The following CTNNA3 variants were observed in gnomAD, a reference collection of about 807,000 sequenced individuals.
CTNNA3 encodes catenin alpha-3.
Under a neutral mutation model 95.7 loss-of-function variants are expected in CTNNA3, and 76 were observed. The ratio of observed to expected loss-of-function variants is 0.79; its 90% CI spans 0.66 to 0.96. CTNNA3 has a LOEUF of 0.96. Among genes scored for constraint, CTNNA3 ranks in the 40% least tolerant of loss-of-function variants. The pLI, the probability that CTNNA3 is intolerant of heterozygous loss-of-function variation, is 0.00. For synonymous variants in CTNNA3, 431 were observed against 374.4 expected (o/e 1.15, Z -1.74); for missense variants, 1,191 against 1,089.8 (o/e 1.09, Z -1.31).
chr10:67,016,294 A>G (rs1852654346), intron 7 of CTNNA3, among the ~76,000 whole-genome samples: 1 of 152,216 alleles, frequency 6.6e-6, no homozygotes, highest in Non-Finnish European at 1.5e-5. Context: ...GGCAGCCACT[A>G]TTTCAGCTTA....
At chr10:67,669,522 C>T (rs762061702) in intron 1 of CTNNA3, among the ~76,000 whole-genome samples, 35 of 152,274 alleles carry the variant, frequency 2.3e-4, no homozygotes, top group Middle Eastern at 3.4e-3. Context: ...CAAATTCAAA[C>T]TCACTTTACC....
intron 17 of CTNNA3, among the ~76,000 whole-genome samples, chr10:65,941,384 C>T (rs2077427494): frequency 6.6e-6 from 1 of 152,186 alleles, no homozygotes; most frequent in South Asian, 2.1e-4. Flanking sequence ...GCTTATTTTA[C>T]TACTCACTGC....
intron 17 of CTNNA3, among the ~76,000 whole-genome samples, chr10:65,939,794 T>G (rs1320535060): frequency 6.6e-6 from 1 of 152,178 alleles, no homozygotes; most frequent in African/African-American, 2.4e-5. Context: ...TGATGAATTA[T>G]ATAATGATAG....
At chr10:66,736,118 GAAAC>G (rs1034319512) in intron 9 of CTNNA3, among the ~76,000 whole-genome samples, 11 of 152,110 alleles carry the variant, frequency 7.2e-5, no homozygotes, top group South Asian at 4.1e-4. Context: ...AACGTGCTGG[GAAAC>G]AAACATTTAT....
chr10:67,510,045 T>C (rs1383482943), intron 5 of CTNNA3, among the ~76,000 whole-genome samples: 1 of 152,242 alleles, frequency 6.6e-6, no homozygotes, highest in Non-Finnish European at 1.5e-5. Flanking sequence ...GGTTGCTTTT[T>C]CTTGTAAATT....
intron 3 of CTNNA3, among the ~76,000 whole-genome samples, chr10:67,561,794 T>A (rs1841519657): frequency 6.6e-6 from 1 of 152,064 alleles, no homozygotes; most frequent in Admixed American, 6.5e-5. Flanking sequence ...CAATAAAAAA[T>A]GATAAAGGGG....
At chr10:66,819,676 A>C (rs996828099) in intron 7 of CTNNA3, among the ~76,000 whole-genome samples, 4 of 152,212 alleles carry the variant, frequency 2.6e-5, no homozygotes, top group African/African-American at 4.8e-5. Flanking sequence ...ATTAAAATAC[A>C]GGCAAAGGAT....
intron 13 of CTNNA3, among the ~76,000 whole-genome samples, chr10:66,133,540 A>G (rs2083220173): frequency 6.6e-6 from 1 of 151,878 alleles, no homozygotes; most frequent in African/African-American, 2.4e-5. Flanking sequence ...ACAAAAAACA[A>G]AAAAAACAGA....
intron 11 of CTNNA3, among the ~76,000 whole-genome samples, chr10:66,478,474 T>A (rs1048576826): frequency 4.6e-5 from 7 of 151,972 alleles, no homozygotes; most frequent in African/African-American, 1.7e-4. Flanking sequence ...AATAAATAAT[T>A]GAAATATTTT....
intron 17 of CTNNA3, among the ~76,000 whole-genome samples, chr10:65,952,059 T>G (rs566368508): frequency 6.7e-6 from 1 of 149,718 alleles, no homozygotes; most frequent in African/African-American, 2.4e-5. Context: ...ATCCCTCACC[T>G]ATTTCATTGT....
chr10:66,727,357 C>T (rs1701162528), intron 9 of CTNNA3, among the ~76,000 whole-genome samples: 1 of 151,954 alleles, frequency 6.6e-6, no homozygotes, highest in African/African-American at 2.4e-5. Context: ...AAAAATTAGT[C>T]TAGCTCCCTA....
chr10:66,249,546 C>A (rs2090467157), intron 13 of CTNNA3, among the ~76,000 whole-genome samples: 1 of 152,082 alleles, frequency 6.6e-6, no homozygotes, highest in Admixed American at 6.6e-5. Flanking sequence ...CATCATCAAT[C>A]ATCAGAGAAC....
At position 66,741,640 on chromosome 10, in the gene CTNNA3, C is replaced by G. The variant is rs989591579; in HGVS notation, c.1281+24624G>C. Among the ~76,000 whole-genome samples the G allele has an allele frequency of 4.6e-5, 7 of 152,146 alleles. No homozygotes were observed. In the South Asian group the frequency reaches 6.2e-4, roughly 13 times the overall value. On this transcript the variant is annotated intron_variant, in intron 9 of 17. Coordinates refer to ENST00000433211, the MANE Select transcript of CTNNA3 (RefSeq NM_013266.4). ...TTTGCTGGGTTCTACTGCACATTCACTAGCATTGCGGGAAGTCAGGGACCC... is the reference window on the plus strand; with the variant it reads ...TTTGCTGGGTTCTACTGCACATTCAGTAGCATTGCGGGAAGTCAGGGACCC...
intron 9 of CTNNA3, among the ~76,000 whole-genome samples, chr10:66,654,370 C>T (rs7073335): frequency 0.66 from 100,276 of 151,864 alleles, 34,007 homozygotes; most frequent in East Asian, 0.95. Flanking sequence ...CTTCACTAAC[C>T]ATTAAGGAAA....
chr10:65,945,839 A>G (rs2077508354), intron 17 of CTNNA3, among the ~76,000 whole-genome samples: 3 of 152,198 alleles, frequency 2.0e-5, no homozygotes, highest in African/African-American at 7.2e-5. Flanking sequence ...TTAGAGCTCA[A>G]TAAATGTTAG....
At chr10:67,301,645 AT>A (rs1840276649) in intron 5 of CTNNA3, among the ~76,000 whole-genome samples, 1 of 152,172 alleles carries the variant, frequency 6.6e-6, no homozygotes, top group African/African-American at 2.4e-5. Context: ...GTATATATAT[AT>A]ATAAGGAATG....
intron 7 of CTNNA3, among the ~76,000 whole-genome samples, chr10:67,149,745 T>C (rs1589797189): frequency 6.6e-6 from 1 of 152,094 alleles, no homozygotes; most frequent in Admixed American, 6.6e-5. Context: ...TAAATAAAAG[T>C]ATATAAAATG....
chr10:66,352,523 C>A (rs545063111), intron 12 of CTNNA3, among the ~76,000 whole-genome samples: 2 of 152,046 alleles, frequency 1.3e-5, no homozygotes, highest in Admixed American at 6.6e-5. Flanking sequence ...CACTGCATTG[C>A]GATAGGGCCT....
chr10:65,935,145 T>C (rs576593536), intron 17 of CTNNA3, among the ~76,000 whole-genome samples: 24 of 152,290 alleles, frequency 1.6e-4, no homozygotes, highest in African/African-American at 5.5e-4. Context: ...CTAGAAAATT[T>C]TTGGCTACAA....
Sources: allele counts gnomAD v4.1 joint callset (sites outside exome capture counted in the v4.1 genomes callset), GRCh38; gene constraint gnomAD v4.1.1; transcripts MANE v1.5; gene names NCBI Gene and HGNC (gene_info 2026-07-23, HGNC 2026-07-21).